Variants in VMA12 observed in about 807,000 individuals in gnomAD.
The protein encoded by VMA12 is vacuolar ATPase assembly factor VMA12, also known as vacuolar ATPase assembly protein VMA12.
At chr17:28,358,511 G>A in the VMA12 span, 3 of 474,220 alleles carry the variant, frequency 6.3e-6, no homozygotes, top group Non-Finnish European at 1.3e-5. Context: ...AAGTGCAAAG[G>A]GTAGACTGCT....
At chr17:28,357,974 G>A in the VMA12 span, 14 of 1,359,518 alleles carry the variant, frequency 1.0e-5, no homozygotes, top group Non-Finnish European at 1.2e-5. Context: ...CTTCTACGGA[G>A]CACTCATCTA....
At chr17:28,359,965 T>A in the VMA12 span, among the ~76,000 whole-genome samples, 10 of 151,920 alleles carry the variant, frequency 6.6e-5, no homozygotes, top group Non-Finnish European at 1.5e-4. Context: ...GAGGCTTTTT[T>A]TCTTCTTCTT....
the VMA12 span, chr17:28,360,952 T>C: frequency 3.9e-6 from 4 of 1,035,668 alleles, no homozygotes; most frequent in South Asian, 5.5e-5. Flanking sequence ...TGAACAGATA[T>C]TTATGCCATT....
the VMA12 span, chr17:28,358,847 C>T: frequency 8.1e-7 from 1 of 1,238,500 alleles, no homozygotes; most frequent in East Asian, 2.3e-5. Context: ...AAGGGCTACA[C>T]CCCTCTTGAT....
At chr17:28,361,049 C>A in the VMA12 span, 1 of 1,130,018 alleles carries the variant, frequency 8.8e-7, no homozygotes, top group Admixed American at 2.0e-5. Flanking sequence ...TCTTCCCCTC[C>A]CCCAACTTAG....
the VMA12 span, chr17:28,361,270 A>G: frequency 1.2e-6 from 2 of 1,613,170 alleles, no homozygotes; most frequent in Non-Finnish European, 8.5e-7. Context: ...TTCATCATCA[A>G]GTCTAGAGAA....
At chr17:28,360,572 G>GT in the VMA12 span, 33 of 1,614,216 alleles carry the variant, frequency 2.0e-5, no homozygotes, top group Non-Finnish European at 2.8e-5. Flanking sequence ...GGAAAGCAAG[G>GT]TGAGGTACTA....
At chr17:28,357,656 G>C in the VMA12 span, 6 of 1,610,754 alleles carry the variant, frequency 3.7e-6, no homozygotes, top group Non-Finnish European at 3.4e-6. Context: ...CACCTGACCG[G>C]AGAGCCGGCT....
the VMA12 span, chr17:28,361,344 T>C: frequency 8.0e-7 from 1 of 1,254,316 alleles, no homozygotes; most frequent in Admixed American, 1.8e-5. Flanking sequence ...AGACTTTTTG[T>C]ATTCAGCTCC....
chr17:28,357,668 G>A, the VMA12 span: 2 of 1,611,752 alleles, frequency 1.2e-6, no homozygotes, highest in Non-Finnish European at 1.7e-6. Flanking sequence ...GAGCCGGCTA[G>A]ATATGGCGTC....
chr17:28,357,992 C>T, the VMA12 span: 1 of 1,149,414 alleles, frequency 8.7e-7, no homozygotes, highest in African/African-American at 1.5e-5. Flanking sequence ...CTAGACAAGT[C>T]AAGAGTCACT....
the VMA12 span, chr17:28,359,112 G>A: frequency 6.7e-6 from 7 of 1,050,346 alleles, no homozygotes; most frequent in Admixed American, 1.9e-4. Flanking sequence ...GGGATCTGGG[G>A]GAGCCAGATA....
At chr17:28,357,871 G>GA in the VMA12 span, 1 of 1,613,958 alleles carries the variant, frequency 6.2e-7, no homozygotes, top group Non-Finnish European at 8.5e-7. Context: ...ACCAGCATCT[G>GA]AGAGAAAGGG....
At chr17:28,358,923 A>G in the VMA12 span, 1 of 1,609,246 alleles carries the variant, frequency 6.2e-7, no homozygotes, top group Non-Finnish European at 8.5e-7. Flanking sequence ...CAGATTCCAA[A>G]CTATACCTCC....
chr17:28,361,790 G>A, the VMA12 span: 1 of 154,360 alleles, frequency 6.5e-6, no homozygotes, highest in Non-Finnish European at 1.4e-5. Context: ...GGTTGCTAGA[G>A]GATGGTAGAA....
chr17:28,361,516 C>T, the VMA12 span: 1 of 440,086 alleles, frequency 2.3e-6, no homozygotes, highest in Admixed American at 3.8e-5. Context: ...ATCTGGTACC[C>T]ATCTGCCTTC....
At chr17:28,361,243 A>G in the VMA12 span, 1 of 1,614,080 alleles carries the variant, frequency 6.2e-7, no homozygotes, top group Non-Finnish European at 8.5e-7. Context: ...GCGAGCTGGG[A>G]GAACTGTAAC....
the VMA12 span, chr17:28,359,261 TGCTTTCTAACAA>T: frequency 1.3e-6 from 2 of 1,586,390 alleles, no homozygotes; most frequent in South Asian, 2.2e-5. Flanking sequence ...GATTGTGATG[TGCTTTCTAACAA>T]GCTGGGAATA....
chr17:28,360,265 G>A, the VMA12 span: 1 of 364,310 alleles, frequency 2.7e-6, no homozygotes. Flanking sequence ...AGCCATTCGA[G>A]CATTTCTTCT....
Sources: gnomAD v4.1 joint callset for allele counts (sites outside exome capture counted in the v4.1 genomes callset) on GRCh38, gnomAD v4.1.1 for gene constraint, MANE v1.5 for transcripts, NCBI Gene and HGNC (gene_info 2026-07-23, HGNC 2026-07-21) for gene names.